Variants in CREBBP observed in about 807,000 individuals in gnomAD.
CREBBP encodes CREB-binding protein.
In CREBBP, 19 loss-of-function variants were observed where a neutral mutation model predicts 265.0. That is an observed-to-expected ratio of 0.07 (90% CI 0.05 to 0.11). The LOEUF is 0.11. Ranked by LOEUF, CREBBP falls within the 10% of genes least tolerant of loss-of-function variation. CREBBP has a pLI of 1.00. For missense variants in CREBBP, 2,525 were observed against 3,219.0 expected, an observed-to-expected ratio of 0.78 and a Z score of 5.22; for synonymous variants, 1,457 against 1,223.7, an observed-to-expected ratio of 1.19 and a Z score of -3.98.
At chr16:3,776,501 C>CA (rs1250978362) in intron 11 of CREBBP, among the ~76,000 whole-genome samples, 9 of 152,168 alleles carry the variant, frequency 5.9e-5, no homozygotes, top group African/African-American at 7.2e-5. Context: ...ACACTCTCTC[C>CA]AGAAGTTGAC....
chr16:3,736,246 C>T (rs749803538), intron 27 of CREBBP, 43 bp from the exon 28 acceptor site: 47 of 1,593,900 alleles, frequency 2.9e-5, no homozygotes, highest in Middle Eastern at 1.7e-4. Flanking sequence ...GCCATGCACG[C>T]GTGCCCCCCA....
At chr16:3,766,681 A>G (rs546082166) in intron 16 of CREBBP, among the ~76,000 whole-genome samples, 48 of 152,120 alleles carry the variant, frequency 3.2e-4, no homozygotes, top group Non-Finnish European at 1.5e-5. Context: ...GTGCACCACC[A>G]CACTTAGCTA....
intron 20 of CREBBP, among the ~76,000 whole-genome samples, chr16:3,750,021 G>T (rs1404045307): frequency 1.3e-5 from 2 of 152,232 alleles, no homozygotes; most frequent in East Asian, 3.9e-4. Context: ...CTGGGTAGCT[G>T]GGACTATAGG....
intron 1 of CREBBP, among the ~76,000 whole-genome samples, chr16:3,877,019 C>T (rs139945868): frequency 6.6e-6 from 1 of 152,276 alleles, no homozygotes; most frequent in East Asian, 1.9e-4. Context: ...CACTGGTGGC[C>T]CCACAGGCCA....
At chr16:3,746,926 C>T (rs1248714218) in intron 21 of CREBBP, among the ~76,000 whole-genome samples, 1 of 152,102 alleles carries the variant, frequency 6.6e-6, no homozygotes, top group East Asian at 1.9e-4. Context: ...GCCTGGGTGA[C>T]ACAGCAAGAC....
intron 1 of CREBBP, among the ~76,000 whole-genome samples, chr16:3,859,285 C>T (rs182078097): frequency 1.3e-5 from 2 of 152,148 alleles, no homozygotes; most frequent in Admixed American, 6.5e-5. Flanking sequence ...CTCTACTTCC[C>T]GGATTCAAAC....
chr16:3,830,327 G>C (rs914600989), intron 2 of CREBBP, among the ~76,000 whole-genome samples: 4 of 152,108 alleles, frequency 2.6e-5, no homozygotes, highest in African/African-American at 4.8e-5. Context: ...CACCCGGGGT[G>C]GGGGGCAGAG....
chr16:3,762,490 T>C (rs966393531), intron 16 of CREBBP, among the ~76,000 whole-genome samples: 8 of 149,606 alleles, frequency 5.3e-5, no homozygotes, highest in Admixed American at 1.4e-4. Flanking sequence ...GAGGAGAGCA[T>C]TTTCAGACTC....
chr16:3,729,244 T>G lies in CREBBP; in HGVS notation c.5803A>C (p.Thr1935Pro). ...ARTQPPTTVSTGKPTSQVPAP... is the reference protein window; with the variant it reads ...ARTQPPTTVSPGKPTSQVPAP... ...GGCACCTGGCTGGTAGGCTTCCCTG[T>G]GGACACCGTGGTGGGGGGCTGAGTC... Residue 1935 changes from threonine (T) to proline (P), a missense_variant, in exon 31 of 31, where the codon ACA becomes CCA. By Grantham distance (38) the Thr-to-Pro change is conservative. Transcript: ENST00000262367. 1 of 1,526,762 alleles carries G rather than the reference T, an allele frequency of 6.5e-7. No homozygotes were observed. The highest frequency in any genetic ancestry group is 8.8e-7 in the Non-Finnish European group (1 of 1,142,348). The allele number at this position is 1,526,762 out of a possible 1,614,324, so 94.6% of individuals were successfully genotyped here.
At chr16:3,787,825 G>A (rs1029251028) in intron 5 of CREBBP, among the ~76,000 whole-genome samples, 1 of 152,070 alleles carries the variant, frequency 6.6e-6, no homozygotes, top group Non-Finnish European at 1.5e-5. Context: ...ACAGGCGCAT[G>A]CTGCCATGCC....
chr16:3,848,478 G>A (rs1267425886), intron 2 of CREBBP, among the ~76,000 whole-genome samples: 1 of 152,120 alleles, frequency 6.6e-6, no homozygotes, highest in Non-Finnish European at 1.5e-5. Context: ...ACTTTGTGAT[G>A]TGTGATTCCA....
At chr16:3,780,633 C>T (rs957097727) in intron 8 of CREBBP, 99 bp downstream of exon 8, 40 of 1,318,258 alleles carry the variant, frequency 3.0e-5, no homozygotes, top group Admixed American at 2.7e-4. Flanking sequence ...TAAATAAGCA[C>T]GTGACTTGTA....
intron 26 of CREBBP, among the ~76,000 whole-genome samples, chr16:3,738,330 G>A (rs867731064): frequency 2.0e-5 from 3 of 146,618 alleles, no homozygotes; most frequent in African/African-American, 2.5e-5. Context: ...AAAAAAAAAA[G>A]GGAATGAAAA....
At chr16:3,857,499 G>T (rs982158742) in intron 1 of CREBBP, among the ~76,000 whole-genome samples, 2 of 152,158 alleles carry the variant, frequency 1.3e-5, no homozygotes, top group African/African-American at 4.8e-5. Flanking sequence ...AAGGAGGCAG[G>T]CCAGGATATT....
At chr16:3,814,383 T>C (rs902738147) in intron 2 of CREBBP, among the ~76,000 whole-genome samples, 2 of 152,056 alleles carry the variant, frequency 1.3e-5, no homozygotes, top group Non-Finnish European at 2.9e-5. Flanking sequence ...GCCTCCCAAG[T>C]AGTTGAGTTC....
chr16:3,774,036 A>G, intron 12 of CREBBP, 106 bp from the exon 13 acceptor site: 1 of 1,250,654 alleles, frequency 8.0e-7, no homozygotes, highest in Admixed American at 1.7e-5. Context: ...GAGGATGGCA[A>G]GCACAGGGCT....
chr16:3,736,408 G>A, intron 27 of CREBBP: 1 of 747,868 alleles, frequency 1.3e-6, no homozygotes, highest in Non-Finnish European at 2.2e-6. Flanking sequence ...CAACAGTGAT[G>A]CACAGGCCCC....
chr16:3,762,629 C>A (rs562609608), intron 16 of CREBBP, among the ~76,000 whole-genome samples: 1 of 152,278 alleles, frequency 6.6e-6, no homozygotes, highest in South Asian at 2.1e-4. Flanking sequence ...GCTGTTGCAG[C>A]GCACCAGCAT....
At chr16:3,799,252 G>A (rs1328739013) in intron 3 of CREBBP, among the ~76,000 whole-genome samples, 1 of 152,114 alleles carries the variant, frequency 6.6e-6, no homozygotes, top group Non-Finnish European at 1.5e-5. Flanking sequence ...TGTGGTGATG[G>A]TTACACAATA....
Sources: allele counts gnomAD v4.1 joint callset (sites outside exome capture counted in the v4.1 genomes callset), GRCh38; gene constraint gnomAD v4.1.1; transcripts MANE v1.5; gene names NCBI Gene and HGNC (gene_info 2026-07-23, HGNC 2026-07-21).